The following ANO2 variants were observed in gnomAD, a reference collection of about 807,000 sequenced individuals.
The protein encoded by ANO2 is anoctamin-2.
In ANO2, 101 loss-of-function variants were observed where a neutral mutation model predicts 124.2. That is an observed-to-expected ratio of 0.81 (90% CI 0.69 to 0.96). The LOEUF is 0.96. ANO2 is among the 40% of genes least tolerant of loss of function. ANO2 has a pLI of 0.00. For missense variants in ANO2, 1,293 were observed against 1,274.5 expected, an observed-to-expected ratio of 1.01 and a Z score of -0.22; for synonymous variants, 486 against 482.5, an observed-to-expected ratio of 1.01 and a Z score of -0.09.
At chr12:5,897,002 T>C (rs1392919042) in intron 3 of ANO2, among the ~76,000 whole-genome samples, 1 of 152,210 alleles carries the variant, frequency 6.6e-6, no homozygotes, top group Non-Finnish European at 1.5e-5. Flanking sequence ...AAATAAATCA[T>C]CTTAAGACTG....
rs7307205 is a variant in ANO2, at chr12:5,578,704, T to C, written c.2234-186A>G. Among the ~76,000 whole-genome samples the C allele has an allele frequency of 4.4e-3, 664 of 152,306 alleles. 1 individual carries two copies. Among genetic ancestry groups the C allele is most frequent in the Non-Finnish European group, 6.8e-3 (465 of 68,030 alleles). On this transcript the variant is annotated intron_variant, in intron 20 of 24. Coordinates refer to ENST00000682330, the MANE Select transcript of ANO2 (RefSeq NM_001364791.2). ...TCTTTCTAAGTACCTGCAGGCCTGT[T>C]GGTCAATGCCATCACTTGGGAGCAA...
chr12:5,905,121 C>T (rs987163698), intron 3 of ANO2, among the ~76,000 whole-genome samples: 22 of 152,128 alleles, frequency 1.4e-4, no homozygotes, highest in Non-Finnish European at 4.4e-5. Flanking sequence ...GAATCCCTCA[C>T]TGGCAGCAAG....
chr12:5,830,322 C>T, intron 6 of ANO2, 113 bp downstream of exon 6: 1 of 1,123,040 alleles, frequency 8.9e-7, no homozygotes, highest in Non-Finnish European at 1.3e-6. Flanking sequence ...TGCTAGGCAA[C>T]TCCAAGCAAA....
At chr12:5,935,046 T>A (rs1359445720) in intron 1 of ANO2, among the ~76,000 whole-genome samples, 1 of 152,164 alleles carries the variant, frequency 6.6e-6, no homozygotes, top group African/African-American at 2.4e-5. Context: ...ATAGGAACAA[T>A]CCTGAGAATT....
chr12:5,686,577 C>T (rs3782631), intron 14 of ANO2, among the ~76,000 whole-genome samples: 56,833 of 152,004 alleles, frequency 0.37, 12,381 homozygotes, highest in East Asian at 0.59. Context: ...CACAGGGGAG[C>T]GATTAATCCC....
At chr12:5,923,172 A>ACACG (rs1555184618) in intron 1 of ANO2, among the ~76,000 whole-genome samples, 1 of 40,774 alleles carries the variant, frequency 2.5e-5, no homozygotes, top group Admixed American at 2.7e-4. Flanking sequence ...ATACACACAC[A>ACACG]CGCACACACA....
chr12:5,924,828 C>A (rs1244867341), intron 1 of ANO2, among the ~76,000 whole-genome samples: 1 of 152,322 alleles, frequency 6.6e-6, no homozygotes, highest in Admixed American at 6.5e-5. Flanking sequence ...TATTGAAGCC[C>A]TCAAAATGAT....
At chr12:5,934,358 C>T (rs1942559584) in intron 1 of ANO2, among the ~76,000 whole-genome samples, 1 of 152,158 alleles carries the variant, frequency 6.6e-6, no homozygotes, top group African/African-American at 2.4e-5. Context: ...TCTTAACATC[C>T]CTCACCCTTT....
At chr12:5,655,091 T>C (rs558775488) in intron 14 of ANO2, among the ~76,000 whole-genome samples, 1 of 152,274 alleles carries the variant, frequency 6.6e-6, no homozygotes, top group East Asian at 1.9e-4. Flanking sequence ...AGTCCCCTAT[T>C]CTTCTATCCC....
chr12:5,843,561 A>T (rs966391379), intron 4 of ANO2, among the ~76,000 whole-genome samples: 3 of 151,962 alleles, frequency 2.0e-5, no homozygotes, highest in African/African-American at 4.8e-5. Flanking sequence ...AAAAAAAAAT[A>T]AAATAAAATA....
chr12:5,888,333 G>C (rs1939111225), intron 3 of ANO2, among the ~76,000 whole-genome samples: 1 of 152,194 alleles, frequency 6.6e-6, no homozygotes, highest in African/African-American at 2.4e-5. Context: ...GACCCAAAGA[G>C]TGAGCAGCAG....
chr12:5,718,784 C>G (rs1169872239), intron 14 of ANO2, among the ~76,000 whole-genome samples: 1 of 152,168 alleles, frequency 6.6e-6, no homozygotes, highest in Non-Finnish European at 1.5e-5. Context: ...CTTCCCTCTC[C>G]TCTCTCTATG....
chr12:5,713,074 T>A (rs1472319377), intron 14 of ANO2, among the ~76,000 whole-genome samples: 1 of 152,110 alleles, frequency 6.6e-6, no homozygotes, highest in Non-Finnish European at 1.5e-5. Context: ...GAGAATGGAC[T>A]GGAAGGGGGC....
intron 16 of ANO2, among the ~76,000 whole-genome samples, chr12:5,619,133 T>C (rs1944981524): frequency 6.6e-6 from 1 of 152,138 alleles, no homozygotes; most frequent in Non-Finnish European, 1.5e-5. Flanking sequence ...CCCTGAGTCT[T>C]GGAGAGCCTC....
chr12:5,716,845 C>T (rs538013241), intron 14 of ANO2, among the ~76,000 whole-genome samples: 54 of 152,272 alleles, frequency 3.5e-4, no homozygotes, highest in South Asian at 1.9e-3. Flanking sequence ...GGCAGTAACT[C>T]TTCCAAGCTT....
At chr12:5,775,874 T>C (rs1952220310) in intron 10 of ANO2, among the ~76,000 whole-genome samples, 1 of 152,156 alleles carries the variant, frequency 6.6e-6, no homozygotes, top group South Asian at 2.1e-4. Context: ...GTTTTTGCTG[T>C]GCTGACAGTA....
rs1946003843 is a variant in ANO2 at position 5,636,201 on chromosome 12, G to T, written c.1621-854C>A. On this transcript the variant is annotated intron_variant, in intron 15 of 24. Transcript: ENST00000682330. This position sits in a 1 kb window ranked among gnomAD's most constrained non-coding sequence, Gnocchi z 4.6. ...TCTCTAGAACCTAAGAATAAGAAGG[G>T]ACTCTCTTAGACCTAGATCTGCCCA... 1.3e-5 allele frequency among the ~76,000 whole-genome samples: 2 copies of T among 152,032 alleles called. No homozygotes were observed. Among genetic ancestry groups the T allele is most frequent in the South Asian group, 2.1e-4 (1 of 4,812 alleles).
chr12:5,673,581 TC>T (rs1438405782), intron 14 of ANO2, among the ~76,000 whole-genome samples: 5 of 152,230 alleles, frequency 3.3e-5, no homozygotes, highest in Admixed American at 3.3e-4. Context: ...AGTGCTTGGT[TC>T]ATAGTAGCCA....
intron 1 of ANO2, among the ~76,000 whole-genome samples, chr12:5,942,941 T>C (rs1462779084): frequency 6.6e-6 from 1 of 152,158 alleles, no homozygotes; most frequent in African/African-American, 2.4e-5. Flanking sequence ...AGAATGGCTA[T>C]AACTAAGAAG....
Sources: allele counts gnomAD v4.1 joint callset (sites outside exome capture counted in the v4.1 genomes callset), GRCh38; gene constraint gnomAD v4.1.1; non-coding constraint Gnocchi (gnomAD v3.1); transcripts MANE v1.5; gene names NCBI Gene and HGNC (gene_info 2026-07-23, HGNC 2026-07-21).